HS3ST5: variants seen among roughly 807,000 people sequenced by gnomAD.
The protein encoded by HS3ST5 is heparan sulfate glucosamine 3-O-sulfotransferase 5.
In HS3ST5, 10 loss-of-function variants were observed where a neutral mutation model predicts 25.4. That is an observed-to-expected ratio of 0.39 (90% CI 0.24 to 0.67). HS3ST5 has a LOEUF of 0.67. Among genes scored for constraint, HS3ST5 ranks in the 30% least tolerant of loss-of-function variants. The pLI, the probability that HS3ST5 is intolerant of heterozygous loss-of-function variation, is 0.44. For synonymous variants in HS3ST5, 170 were observed against 162.4 expected, an observed-to-expected ratio of 1.05 and a Z score of -0.36; for missense variants, 324 against 420.7, an observed-to-expected ratio of 0.77 and a Z score of 2.01.
chr6:114,099,125 G>A (rs980654719), intron 3 of HS3ST5, among the ~76,000 whole-genome samples: 3 of 152,102 alleles, frequency 2.0e-5, no homozygotes, highest in African/African-American at 7.2e-5. Flanking sequence ...TTGCAGAAAG[G>A]GCTGCTCTTC....
chr6:114,340,443 A>G (rs1044038270), intron 1 of HS3ST5: 12 of 152,248 alleles, frequency 7.9e-5, no homozygotes, highest in Non-Finnish European at 1.5e-5. Flanking sequence ...CTGTTAAAAC[A>G]CTGGAGGCGG....
chr6:114,071,782 AT>A (rs1375809050), intron 3 of HS3ST5, among the ~76,000 whole-genome samples: 4 of 152,214 alleles, frequency 2.6e-5, no homozygotes, highest in African/African-American at 9.6e-5. Context: ...TTTGAAAAAA[AT>A]CGAATACTCA....
intron 3 of HS3ST5, among the ~76,000 whole-genome samples, chr6:114,074,752 T>C (rs1413281319): frequency 6.6e-6 from 1 of 152,158 alleles, no homozygotes; most frequent in African/African-American, 2.4e-5. Flanking sequence ...GTAACATTGA[T>C]AGCAAAAGTA....
intron 1 of HS3ST5, among the ~76,000 whole-genome samples, chr6:114,334,391 G>A (rs543610052): frequency 1.3e-5 from 2 of 152,266 alleles, no homozygotes; most frequent in Admixed American, 6.5e-5. Context: ...TTAGGTCACA[G>A]ACAGCTAGCT....
intron 1 of HS3ST5, among the ~76,000 whole-genome samples, chr6:114,285,856 A>T (rs967782243): frequency 7.2e-5 from 11 of 152,054 alleles, no homozygotes; most frequent in African/African-American, 2.4e-4. Context: ...AGTACATTTA[A>T]TTATGAACCT....
At chr6:114,251,841 T>C (rs1433752307) in intron 1 of HS3ST5, 1 of 152,238 alleles carries the variant, frequency 6.6e-6, no homozygotes, top group East Asian at 1.9e-4. Context: ...ATCCCATCAT[T>C]TGAGCCACTG....
chr6:114,200,030 G>A (rs1050244665), intron 2 of HS3ST5, among the ~76,000 whole-genome samples: 2 of 152,132 alleles, frequency 1.3e-5, no homozygotes, highest in African/African-American at 4.8e-5. Context: ...AAACCAGCCT[G>A]ACCAACATAG....
chr6:114,209,375 T>A (rs1781417406), intron 2 of HS3ST5, among the ~76,000 whole-genome samples: 1 of 152,170 alleles, frequency 6.6e-6, no homozygotes, highest in African/African-American at 2.4e-5. Flanking sequence ...CTTCTTTTTT[T>A]AACAATGTTC....
chr6:114,247,836 A>AT lies in HS3ST5; in HGVS notation c.-338-19059dup, dbSNP rs932744085. On this transcript the variant is annotated intron_variant, in intron 1 of 4. Coordinates refer to ENST00000312719, the MANE Select transcript of HS3ST5 (RefSeq NM_153612.4). ...ATATTGAGTAGGGTTAGAAACTTGA[A>AT]TTTTTTTTAAGTCAACAGAAAATTA... Among the ~76,000 whole-genome samples the AT allele has an allele frequency of 4.6e-5, 7 of 151,142 alleles. No individual in the cohort carries two copies. The South Asian group carries it at 6.3e-4, about 14-fold the overall frequency.
chr6:114,244,745 C>T (rs1772302345), intron 1 of HS3ST5, among the ~76,000 whole-genome samples: 1 of 152,122 alleles, frequency 6.6e-6, no homozygotes, highest in South Asian at 2.1e-4. Context: ...CTGTTCCTTA[C>T]CATCTATAAC....
At chr6:114,312,756 G>A (rs57543972) in intron 1 of HS3ST5, among the ~76,000 whole-genome samples, 5,440 of 152,000 alleles carry the variant, frequency 0.036, 325 homozygotes, top group African/African-American at 0.12. Context: ...TCAGCCGGCC[G>A]TGGTGGCTCA....
chr6:114,216,701 A>G lies in HS3ST5; in HGVS notation c.-145+11884T>C, dbSNP rs76682270. On this transcript the variant is annotated intron_variant, in intron 2 of 4. Coordinates refer to ENST00000312719, the MANE Select transcript of HS3ST5 (RefSeq NM_153612.4). ...CAGAAAACCTTCAGGAAAAAAACCC[A>G]GAGATAGAGAACAGAATCGTCCTCC... Among the ~76,000 whole-genome samples, 816 of 150,326 alleles carry G rather than the reference A, an allele frequency of 5.4e-3. 6 individuals carry two copies. Among genetic ancestry groups the G allele is most frequent in the African/African-American group, 0.019 (780 of 40,730 alleles).
intron 1 of HS3ST5, among the ~76,000 whole-genome samples, chr6:114,233,806 G>C (rs1265529929): frequency 6.6e-6 from 1 of 152,104 alleles, no homozygotes; most frequent in East Asian, 1.9e-4. Flanking sequence ...AAGAACAAAA[G>C]GATCTTCAGA....
At chr6:114,322,928 C>A (rs1776024926) in intron 1 of HS3ST5, among the ~76,000 whole-genome samples, 1 of 152,186 alleles carries the variant, frequency 6.6e-6, no homozygotes, top group African/African-American at 2.4e-5. Flanking sequence ...AAAATGAACA[C>A]AGTGACTTGT....
intron 2 of HS3ST5, among the ~76,000 whole-genome samples, chr6:114,172,515 C>A (rs543794058): frequency 4.1e-4 from 63 of 152,310 alleles, no homozygotes; most frequent in Admixed American, 3.9e-3. Context: ...GCAGAGAAGA[C>A]CCGTTTGAGG....
chr6:114,139,369 C>A (rs775755434), intron 3 of HS3ST5, among the ~76,000 whole-genome samples: 2 of 151,094 alleles, frequency 1.3e-5, no homozygotes, highest in African/African-American at 2.4e-5. Context: ...TTTACACTCT[C>A]GCAAATGACA....
intron 2 of HS3ST5, among the ~76,000 whole-genome samples, chr6:114,205,316 G>A (rs912873694): frequency 3.3e-5 from 5 of 152,040 alleles, no homozygotes; most frequent in Non-Finnish European, 7.4e-5. Flanking sequence ...ATGGAACTCA[G>A]GAAAACACTA....
intron 2 of HS3ST5, among the ~76,000 whole-genome samples, chr6:114,209,266 G>A (rs927554610): frequency 1.3e-5 from 2 of 151,216 alleles, no homozygotes; most frequent in African/African-American, 4.9e-5. Context: ...CACTGTTTTT[G>A]TTTTGGAAAT....
intron 2 of HS3ST5, among the ~76,000 whole-genome samples, chr6:114,198,681 A>G (rs149835188): frequency 1.4e-4 from 21 of 152,346 alleles, no homozygotes; most frequent in African/African-American, 4.8e-4. Context: ...AATAAACTAA[A>G]GAAATAATTG....
Sources: allele counts gnomAD v4.1 joint callset (sites outside exome capture counted in the v4.1 genomes callset), GRCh38; gene constraint gnomAD v4.1.1; transcripts MANE v1.5; gene names NCBI Gene and HGNC (gene_info 2026-07-23, HGNC 2026-07-21).